ZNF787: variants seen among roughly 807,000 people sequenced by gnomAD.
ZNF787 encodes the protein TTF-I-interacting peptide 20.
ZNF787 carries 7 observed loss-of-function variants against 16.9 expected under a neutral mutation model. That is an observed-to-expected ratio of 0.42 (90% CI 0.24 to 0.78). ZNF787 has a LOEUF of 0.78. ZNF787 is among the 30% of genes least tolerant of loss of function. ZNF787 has a pLI of 0.30. For missense variants in ZNF787, 551 were observed against 589.3 expected, an observed-to-expected ratio of 0.94 and a Z score of 0.67; for synonymous variants, 345 against 270.9, an observed-to-expected ratio of 1.27 and a Z score of -2.69.
At chr19:56,116,433 T>C (rs913947192) in intron 1 of ZNF787, among the ~76,000 whole-genome samples, 1 of 151,720 alleles carries the variant, frequency 6.6e-6, no homozygotes, top group African/African-American at 2.4e-5. Context: ...CGGAGTGAGA[T>C]TCTGTCTCAA....
rs547658765 is a variant in ZNF787 at position 56,087,912 on chromosome 19, C to A, written c.*111G>T. 1.6e-5 allele frequency: 21 copies of A among 1,277,438 alleles called. No homozygotes were observed. Among genetic ancestry groups the A allele is most frequent in the Non-Finnish European group, 2.1e-5 (21 of 1,012,132 alleles). 79.1% of individuals were successfully genotyped at this position (1,277,438 alleles called of 1,614,324 possible). A position where few individuals can be genotyped will look rare whatever the true frequency, so the allele number is the denominator to read the frequency against. On this transcript the variant is annotated 3_prime_UTR_variant, in exon 3 of 3. Transcript: ENST00000610935. The stretch of plus-strand genomic sequence containing the variant: ...GAGGAGGGCGGGGAGCCGGGGATGC[C>A]GCGGGGTCCATCGCACCCCGTCCGC...
At chr19:56,096,926 C>T (rs540026617) in intron 2 of ZNF787, among the ~76,000 whole-genome samples, 102 of 152,164 alleles carry the variant, frequency 6.7e-4, no homozygotes, top group African/African-American at 2.0e-3. Context: ...GCTGTCGCTG[C>T]CCGGTCCCAC....
chr19:56,114,423 G>GTCTT lies in ZNF787; in HGVS notation c.-11+6748_-11+6749insAAGA, dbSNP rs1555777942. On this transcript the variant is annotated intron_variant, in intron 1 of 2. Transcript: ENST00000610935. ...CCTCCACCTGCCCTGGCCAGGCCTGGTCTCTCTGAGGGGCCGGGCTCAGTC... is the reference window on the plus strand; with the variant it reads ...CCTCCACCTGCCCTGGCCAGGCCTGGTCTTTCTCTCTGAGGGGCCGGGCTCAGTC... Among the ~76,000 whole-genome samples the GTCTT allele has an allele frequency of 1.8e-4, 19 of 106,006 alleles. 2 individuals are homozygous for GTCTT. The highest frequency in any genetic ancestry group is 2.3e-4 in the Non-Finnish European group (12 of 52,522). 69.5% of individuals were successfully genotyped at this position (106,006 alleles called of 152,430 possible). A position where few individuals can be genotyped will look rare whatever the true frequency, so the allele number is the denominator to read the frequency against.
chr19:56,116,311 G>C lies in ZNF787; in HGVS notation c.-11+4861C>G, dbSNP rs139652563. ...CAAAAAATTAGCCAGGCATGGTGGC[G>C]GGCGCCTGTAGTCCCAGCTACCGGG... On this transcript the variant is annotated intron_variant, in intron 1 of 2. Transcript: ENST00000610935. Among the ~76,000 whole-genome samples the C allele has an allele frequency of 4.6e-5, 7 of 152,110 alleles. No homozygotes were observed. The South Asian group carries it at 6.2e-4, about 14-fold the overall frequency.
At chr19:56,093,350 G>A (rs374564659) in intron 2 of ZNF787, among the ~76,000 whole-genome samples, 10 of 152,248 alleles carry the variant, frequency 6.6e-5, no homozygotes, top group African/African-American at 2.4e-4. Flanking sequence ...AGGAGATGGC[G>A]GAACTGGGAT....
chr19:56,097,733 C>T lies in ZNF787; in HGVS notation c.79+5406G>A, dbSNP rs571100566. ...CTACCCCCGGCCCTGACGGCAAAGG[C>T]GCTGCAGAGCCAGTTTACTAAAATG... On this transcript the variant is annotated intron_variant, in intron 2 of 2. Transcript: ENST00000610935. 3.9e-5 allele frequency among the ~76,000 whole-genome samples: 6 copies of T among 152,310 alleles called. No individual in the cohort carries two copies. The East Asian group carries it at 9.7e-4, about 25-fold the overall frequency.
At chr19:56,118,286 C>T (rs1160204565) in intron 1 of ZNF787, among the ~76,000 whole-genome samples, 1 of 152,212 alleles carries the variant, frequency 6.6e-6, no homozygotes, top group African/African-American at 2.4e-5. Flanking sequence ...GCTTCTCCCA[C>T]TATGCTGGGG....
chr19:56,116,537 C>T (rs770206775), intron 1 of ZNF787, among the ~76,000 whole-genome samples: 1 of 152,024 alleles, frequency 6.6e-6, no homozygotes, highest in Non-Finnish European at 1.5e-5. Flanking sequence ...CCAGCCTGGG[C>T]AACACAGCAA....
chr19:56,116,140 TA>T (rs35103717), intron 1 of ZNF787, among the ~76,000 whole-genome samples: 2 of 150,718 alleles, frequency 1.3e-5, no homozygotes, highest in African/African-American at 2.4e-5. Flanking sequence ...AAAACTGCTC[TA>T]AAAAAAAATA....
At chr19:56,096,469 C>G (rs1383512319) in intron 2 of ZNF787, among the ~76,000 whole-genome samples, 1 of 151,774 alleles carries the variant, frequency 6.6e-6, no homozygotes, top group Non-Finnish European at 1.5e-5. Flanking sequence ...AATCACAACA[C>G]TTTGGGAGGC....
chr19:56,112,260 C>G (rs2030001794), intron 1 of ZNF787, among the ~76,000 whole-genome samples: 1 of 152,154 alleles, frequency 6.6e-6, no homozygotes, highest in Non-Finnish European at 1.5e-5. Context: ...TACCAGAAAG[C>G]TGGGAATTGC....
rs1045191459 is a variant in ZNF787 at position 56,121,225 on chromosome 19, CG to C, written c.-65del. On this transcript the variant is annotated 5_prime_UTR_variant, in exon 1 of 3. Coordinates refer to ENST00000610935, the MANE Select transcript of ZNF787 (RefSeq NM_001002836.4). ...ACTCCTCCTCCTCTCTCCTGCCTCGCGGATGGTGGCAGCGGCGGCAGCGGCG... is the reference window on the plus strand; with the variant it reads ...ACTCCTCCTCCTCTCTCCTGCCTCGCGATGGTGGCAGCGGCGGCAGCGGCG... 27 of 150,186 alleles carry C rather than the reference CG, an allele frequency of 1.8e-4. No individual in the cohort carries two copies. Among genetic ancestry groups the C allele is most frequent in the African/African-American group, 6.4e-4 (26 of 40,690 alleles). 9.3% of individuals were successfully genotyped at this position (150,186 alleles called of 1,614,324 possible).
At chr19:56,103,386 G>A (rs1245399656) in intron 1 of ZNF787, 159 bp from the exon 2 acceptor site, 2 of 594,372 alleles carry the variant, frequency 3.4e-6, no homozygotes, top group Non-Finnish European at 5.6e-6. Context: ...AACTGGCCTG[G>A]AGCTAGCCTG....
chr19:56,102,479 T>G, intron 2 of ZNF787: 1 of 178,620 alleles, frequency 5.6e-6, no homozygotes, highest in Non-Finnish European at 1.2e-5. Context: ...CACAGTGAGG[T>G]CACCATGGGG....
In ZNF787 at chr19:56,088,331, CG is replaced by C; in HGVS notation, c.840del (p.Tyr280Ter). The part of the protein sequence containing the change: ...RSRRAPAPKP[Y>X]VCLECGKGFG... The stretch of plus-strand genomic sequence containing the variant: ...AAGCCCTTCCCGCACTCCAGACACA[CG>C]TACGGCTTGGGGGCCGGGGCGCGCC... On this transcript the variant is annotated frameshift_variant, in exon 3 of 3. Transcript: ENST00000610935. LOFTEE classifies it high-confidence loss of function. This position sits in a 1 kb window ranked among gnomAD's most constrained non-coding sequence, Gnocchi z 8.6. The C allele has an allele frequency of 8.1e-7, 1 of 1,240,312 alleles. No individual in the cohort carries two copies. The allele number at this position is 1,240,312 out of a possible 1,614,324, so 76.8% of individuals were successfully genotyped here.
At chr19:56,094,354 A>G (rs1568524897) in intron 2 of ZNF787, among the ~76,000 whole-genome samples, 1 of 150,626 alleles carries the variant, frequency 6.6e-6, no homozygotes, top group Non-Finnish European at 1.5e-5. Flanking sequence ...GTGTGCTCTT[A>G]GTAGAGACAG....
chr19:56,088,579 C>A lies in ZNF787; in HGVS notation c.593G>T (p.Arg198Leu). 1.3e-6 allele frequency: 2 copies of A among 1,508,584 alleles called. No homozygotes were observed. The highest frequency in any genetic ancestry group is 1.8e-6 in the Non-Finnish European group (2 of 1,136,142). The allele number at this position is 1,508,584 out of a possible 1,614,324, so 93.4% of individuals were successfully genotyped here. The change falls in exon 3 of 3, where the codon CGG becomes CTG. Residue 198 changes from arginine (R) to leucine (L), a missense_variant. This residue lies in a region of ZNF787 where 392 missense variants were observed against 312.7 expected (regional missense o/e 1.25). Coordinates refer to ENST00000610935, the MANE Select transcript of ZNF787 (RefSeq NM_001002836.4). The surrounding 1 kb of genome is among the most constrained non-coding windows in gnomAD (Gnocchi z 8.6). The part of the protein sequence containing the change: ...SQPKSLARHL[R>L]LHPELSGPGV... ...AGGCCCCGACAGCTCCGGGTGCAGC[C>A]GCAGGTGACGCGCGAGGCTCTTGGG...
At chr19:56,094,678 G>A (rs891702739) in intron 2 of ZNF787, among the ~76,000 whole-genome samples, 9 of 152,124 alleles carry the variant, frequency 5.9e-5, no homozygotes, top group South Asian at 2.1e-4. Context: ...GCCTCAGCTC[G>A]TTCACAATCA....
At chr19:56,094,154 G>A (rs1020161650) in intron 2 of ZNF787, among the ~76,000 whole-genome samples, 3 of 150,236 alleles carry the variant, frequency 2.0e-5, no homozygotes, top group Admixed American at 6.6e-5. Context: ...CTCCCGAGTA[G>A]CAGGGATTAC....
Sources: gnomAD v4.1 joint callset for allele counts (sites outside exome capture counted in the v4.1 genomes callset) on GRCh38, gnomAD v4.1.1 for gene constraint, gnomAD v4.1.1 regional missense constraint, Gnocchi (gnomAD v3.1) non-coding constraint, MANE v1.5 for transcripts, NCBI Gene and HGNC (gene_info 2026-07-23, HGNC 2026-07-21) for gene names.